CCDC74A: variants seen among roughly 807,000 people sequenced by gnomAD.
CCDC74A encodes the protein coiled-coil domain containing 74A, also known as coiled-coil domain-containing protein 74A.
Under a neutral mutation model 37.6 loss-of-function variants are expected in CCDC74A, and 38 were observed. That is an observed-to-expected ratio of 1.01 (90% confidence interval 0.78 to 1.33). The LOEUF is 1.33. Among genes scored for constraint, CCDC74A ranks in the 40% most tolerant of loss-of-function variants. CCDC74A has a pLI of 0.00. For synonymous variants in CCDC74A, 134 were observed against 165.2 expected, an observed-to-expected ratio of 0.81 and a Z score of 1.45; for missense variants, 340 against 403.4, an observed-to-expected ratio of 0.84 and a Z score of 1.35.
rs1423059033 is a variant in CCDC74A at position 131,533,021 on chromosome 2, A to C, written c.761A>C (p.Glu254Ala). The C allele has an allele frequency of 6.8e-6, 11 of 1,613,942 alleles. No homozygotes were observed. Among genetic ancestry groups the C allele is most frequent in the Non-Finnish European group, 9.3e-6 (11 of 1,179,854 alleles). ...PEEASFPRDQ[E>A]ATHFPKVSTK... ...ACTCTTCCTTCACCCAGGGACCAAGAAGCCACGCATTTCCCCAAGGTCTCC... is the reference window on the plus strand; with the variant it reads ...ACTCTTCCTTCACCCAGGGACCAAGCAGCCACGCATTTCCCCAAGGTCTCC... Residue 254 changes from glutamate (E) to alanine (A), a missense_variant, in exon 7 of 8, where the codon GAA becomes GCA. Coordinates refer to ENST00000409856, the MANE Select transcript of CCDC74A (RefSeq NM_001258306.3).
chr2:131,531,305 AC>A (rs1681251842), intron 3 of CCDC74A, among the ~76,000 whole-genome samples: 1 of 151,838 alleles, frequency 6.6e-6, no homozygotes, highest in Non-Finnish European at 1.5e-5. Flanking sequence ...CCCTGCCCTA[AC>A]CCCCACCATT....
rs1414807485 is a variant in CCDC74A, at chr2:131,530,141, G to C, written c.295+450G>C. On this transcript the variant is annotated intron_variant, in intron 2 of 7. Transcript: ENST00000409856. ...ATCCAGGGATCCCTTCCTGCCATCT[G>C]GGCAGCAACCATGGGGACAAAGGGA... 17 of 1,549,836 alleles carry C rather than the reference G, an allele frequency of 1.1e-5. No homozygotes were observed. In the Admixed American group the frequency reaches 3.3e-4, roughly 30 times the overall value.
rs749954799 is a variant in CCDC74A, at chr2:131,532,991, T to C, written c.753-22T>C. On this transcript the variant is annotated intron_variant, in intron 6 of 7. Transcript: ENST00000409856. ...CCCTGGGGTCCTATCCACAGCTCAC[T>C]GCTGACTCTTCCTTCACCCAGGGAC... 1.9e-6 allele frequency: 3 copies of C among 1,613,834 alleles called. No homozygotes were observed. The Admixed American group carries it at 5.0e-5, about 27-fold the overall frequency.
In CCDC74A at chr2:131,530,795, G is replaced by C; in HGVS notation, c.314G>C (p.Ser105Thr). 1 of 1,601,166 alleles carries C rather than the reference G, an allele frequency of 6.2e-7. No homozygotes were observed. The highest frequency in any genetic ancestry group is 8.5e-7 in the Non-Finnish European group (1 of 1,177,082). ...SQKKDSLSMS[S>T]FQSVKSISNS... ...CCTGCAGACAGCCTCTCCATGTCAA[G>C]CTTCCAGTCTGTCAAGTCCATCTCT... The change falls in exon 3 of 8, where the codon AGC becomes ACC. Residue 105 changes from serine (S) to threonine (T), a missense_variant. Physicochemically the swap from Ser to Thr is moderately conservative, Grantham distance 58 (BLOSUM62 1). Transcript: ENST00000409856.
Position 131,533,659 on chromosome 2 carries a change from A to G in CCDC74A, c.*261A>G. ...TTGAAACTGAAAATAAAGCTTGTTT[A>G]TTTCCAAGTTGTGTGCCTGGCTCCT... On this transcript the variant is annotated 3_prime_UTR_variant, in exon 8 of 8. Coordinates refer to ENST00000409856, the MANE Select transcript of CCDC74A (RefSeq NM_001258306.3). 2.0e-6 allele frequency: 1 copy of G among 497,538 alleles called. No individual in the cohort carries two copies. The highest frequency in any genetic ancestry group is 3.7e-5 in the East Asian group (1 of 27,326). The allele number at this position is 497,538 out of a possible 1,614,324, so 30.8% of individuals were successfully genotyped here.
chr2:131,529,386 G>A (rs951565096), intron 1 of CCDC74A: 2 of 636,742 alleles, frequency 3.1e-6, no homozygotes, highest in East Asian at 2.7e-5. Flanking sequence ...TGCCTGGGCA[G>A]TGTGGATGCC....
chr2:131,527,996 G>A lies in CCDC74A; in HGVS notation c.26G>A (p.Gly9Glu). ...ATGAGCGGTGCGGGGGTGGCGGCTG[G>A]GACGCGGCCCCCCAGCTCGCCGACC... MSGAGVAA[G>E]TRPPSSPTPG... Residue 9 changes from glycine (G) to glutamate (E), a missense_variant, in exon 1 of 8, where the codon GGG (glycine) becomes GAG (glutamate). Transcript: ENST00000409856. 1 of 1,460,776 alleles carries A rather than the reference G, an allele frequency of 6.8e-7. No homozygotes were observed. The highest frequency in any genetic ancestry group is 9.0e-7 in the Non-Finnish European group (1 of 1,107,414). 90.5% of individuals were successfully genotyped at this position (1,460,776 alleles called of 1,614,324 possible).
chr2:131,531,534 AGAG>A, intron 3 of CCDC74A, 127 bp from the exon 4 acceptor site: 1 of 1,170,918 alleles, frequency 8.5e-7, no homozygotes, highest in Non-Finnish European at 1.1e-6. Context: ...TTCCCTTTAC[AGAG>A]GAGGAAACTG....
At position 131,529,990 on chromosome 2, in the gene CCDC74A, C is replaced by T. The variant is rs560415975; in HGVS notation, c.295+299C>T. On this transcript the variant is annotated intron_variant, in intron 2 of 7. Coordinates refer to ENST00000409856, the MANE Select transcript of CCDC74A (RefSeq NM_001258306.3). ...AAGTAGAGCTGAAATGGGAAGGAAC[C>T]CCTGGGACAGCCCCTGCCCTGCTAG... 6 of 1,536,594 alleles carry T rather than the reference C, an allele frequency of 3.9e-6. No homozygotes were observed. The African/African-American group carries it at 6.9e-5, about 18-fold the overall frequency.
At chr2:131,528,797 C>G (rs1340091803) in intron 1 of CCDC74A, among the ~76,000 whole-genome samples, 1 of 152,148 alleles carries the variant, frequency 6.6e-6, no homozygotes, top group Non-Finnish European at 1.5e-5. Context: ...GGTGACAGAG[C>G]GAGACTCCGT....
chr2:131,531,516 A>G, intron 3 of CCDC74A, 148 bp from the exon 4 acceptor site: 1 of 1,054,546 alleles, frequency 9.5e-7, no homozygotes, highest in Non-Finnish European at 1.3e-6. Flanking sequence ...GAACCCTCCA[A>G]GGCAGGCTTC....
chr2:131,528,701 C>G lies in CCDC74A; in HGVS notation c.250+481C>G, dbSNP rs1478152260. 28 of 400,628 alleles carry G rather than the reference C, an allele frequency of 7.0e-5. No homozygotes were observed. The Admixed American group carries it at 9.4e-4, about 13-fold the overall frequency. The allele number at this position is 400,628 out of a possible 1,614,324, so 24.8% of individuals were successfully genotyped here. A position where few individuals can be genotyped will look rare whatever the true frequency, so the allele number is the denominator to read the frequency against. ...TGGTGGGCGTCTGTAGTCCCAGCTA[C>G]TCGGGAGGCTGAAGCAGGAGAATGG... is the stretch of plus-strand genomic sequence containing the variant. On this transcript the variant is annotated intron_variant, in intron 1 of 7. Transcript: ENST00000409856.
At chr2:131,530,363 G>A (rs1358599057) in intron 2 of CCDC74A, 1 of 1,547,212 alleles carries the variant, frequency 6.5e-7, no homozygotes, top group Admixed American at 2.0e-5. Flanking sequence ...GCAGTGCCTA[G>A]GGCTCTCCCT....
chr2:131,531,433 A>C (rs962235782), intron 3 of CCDC74A, among the ~76,000 whole-genome samples: 45 of 150,598 alleles, frequency 3.0e-4, no homozygotes, highest in African/African-American at 1.1e-3. Flanking sequence ...AGCTTCCACT[A>C]TGTTGATTGT....
chr2:131,532,225 T>TTA (rs1200353428), intron 4 of CCDC74A, among the ~76,000 whole-genome samples: 11 of 126,972 alleles, frequency 8.7e-5, no homozygotes, highest in African/African-American at 3.0e-4. Flanking sequence ...TGCCCTGAGA[T>TTA]GCTACAGAGT....
At chr2:131,530,117 TC>T (rs1340840469) in intron 2 of CCDC74A, 1 of 1,550,070 alleles carries the variant, frequency 6.5e-7, no homozygotes, top group African/African-American at 1.4e-5. Context: ...ACACACTCCA[TC>T]CAGGGATCCC....
In CCDC74A at chr2:131,533,332, C is replaced by A. The variant is rs749095132; in HGVS notation, c.873C>A (p.Asn291Lys). ...LPALKQTPKN[N>K]FAERQKRLQA... ...CACTGAAGCAGACCCCGAAGAACAA[C>A]TTTGCCGAGAGGCAGAAGAGGCTGC... Residue 291 changes from asparagine (N) to lysine (K), a missense_variant, in exon 8 of 8, where the codon AAC becomes AAA. Asn to Lys is a moderately conservative substitution (Grantham distance 94, BLOSUM62 0). Coordinates refer to ENST00000409856, the MANE Select transcript of CCDC74A (RefSeq NM_001258306.3). 1 of 1,613,562 alleles carries A rather than the reference C, an allele frequency of 6.2e-7. No individual in the cohort carries two copies. Among genetic ancestry groups the A allele is most frequent in the Admixed American group, 1.7e-5 (1 of 60,024 alleles).
At chr2:131,528,912 C>T (rs1680691200) in intron 1 of CCDC74A, among the ~76,000 whole-genome samples, 2 of 151,832 alleles carry the variant, frequency 1.3e-5, no homozygotes, top group South Asian at 4.2e-4. Flanking sequence ...CAGGAGCAGG[C>T]ATTCCCCCGC....
chr2:131,526,639 A>C (rs1432617670), upstream of CCDC74A, among the ~76,000 whole-genome samples: 3 of 152,158 alleles, frequency 2.0e-5, no homozygotes, highest in African/African-American at 7.2e-5. Context: ...CTGTGTCTTC[A>C]AACTGTGTTG....
Sources: gnomAD v4.1 joint callset for allele counts (sites outside exome capture counted in the v4.1 genomes callset) on GRCh38, gnomAD v4.1.1 for gene constraint, MANE v1.5 for transcripts, NCBI Gene and HGNC (gene_info 2026-07-23, HGNC 2026-07-21) for gene names.